Variants in DPYD observed in about 807,000 individuals in gnomAD.
DPYD encodes dihydropyrimidine dehydrogenase [NADP(+)].
A neutral mutation model predicts 116.2 loss-of-function variants in DPYD; 109 were observed. The observed-to-expected ratio is 0.94, with a 90% CI of 0.80 to 1.10. The LOEUF is 1.10. Ranked by LOEUF, DPYD falls within the 50% of genes least tolerant of loss-of-function variation. DPYD has a pLI of 0.00. For synonymous variants in DPYD, 440 were observed against 432.0 expected, an observed-to-expected ratio of 1.02 and a Z score of -0.23; for missense variants, 1,302 against 1,254.5, an observed-to-expected ratio of 1.04 and a Z score of -0.57.
At chr1:97,713,502 T>C (rs764693480) in intron 5 of DPYD, among the ~76,000 whole-genome samples, 7 of 152,108 alleles carry the variant, frequency 4.6e-5, no homozygotes, top group Non-Finnish European at 7.4e-5. Flanking sequence ...CACAGTTCTA[T>C]TATAAATCAT....
At chr1:97,537,689 A>G (rs976952710) in intron 12 of DPYD, among the ~76,000 whole-genome samples, 32 of 152,152 alleles carry the variant, frequency 2.1e-4, no homozygotes, top group Non-Finnish European at 4.4e-5. Context: ...GTATTTTTCA[A>G]GTGAAAGATT....
At chr1:97,329,258 T>A (rs891989354) in intron 16 of DPYD, among the ~76,000 whole-genome samples, 3 of 152,206 alleles carry the variant, frequency 2.0e-5, no homozygotes, top group African/African-American at 7.2e-5. Flanking sequence ...GTGATGTCAC[T>A]AACTTTGAAT....
In DPYD at chr1:97,104,180, T is replaced by C. The variant is rs138141622; in HGVS notation, c.2623-5548A>G. The stretch of plus-strand genomic sequence containing the variant: ...CAGGTAACTTTGATCCAGCACATAA[T>C]AGGTGCTGAATATAATTTTTCAAAG... On this transcript the variant is annotated intron_variant, in intron 20 of 22. Transcript: ENST00000370192. Among the ~76,000 whole-genome samples the C allele has an allele frequency of 2.2e-4, 34 of 152,216 alleles. No homozygotes were observed. The East Asian group carries it at 5.2e-3, about 23-fold the overall frequency.
At chr1:97,289,262 G>A (rs1333951038) in intron 18 of DPYD, among the ~76,000 whole-genome samples, 1 of 151,890 alleles carries the variant, frequency 6.6e-6, no homozygotes, top group African/African-American at 2.4e-5. Flanking sequence ...AGAGGTACAA[G>A]GAGGAACTGG....
intron 20 of DPYD, among the ~76,000 whole-genome samples, chr1:97,155,377 G>A (rs1253271415): frequency 6.6e-6 from 1 of 151,996 alleles, no homozygotes; most frequent in Non-Finnish European, 1.5e-5. Flanking sequence ...CCTGGATTCT[G>A]TATGAAACCA....
intron 16 of DPYD, among the ~76,000 whole-genome samples, chr1:97,360,982 C>T (rs1670692688): frequency 6.6e-6 from 1 of 151,840 alleles, no homozygotes; most frequent in African/African-American, 2.4e-5. Flanking sequence ...GATAGAGACA[C>T]AAAATATCCT....
At chr1:97,384,618 G>A (rs1242640032) in intron 14 of DPYD, among the ~76,000 whole-genome samples, 1 of 152,078 alleles carries the variant, frequency 6.6e-6, no homozygotes, top group Non-Finnish European at 1.5e-5. Context: ...GAAAACTGCT[G>A]GCGATTATAT....
At chr1:97,876,372 G>A (rs1480975403) in intron 2 of DPYD, among the ~76,000 whole-genome samples, 2 of 151,972 alleles carry the variant, frequency 1.3e-5, no homozygotes, top group African/African-American at 2.4e-5. Context: ...GTAACAGGGT[G>A]AAGTAAGTGA....
chr1:97,189,053 C>T (rs961891541), intron 20 of DPYD, among the ~76,000 whole-genome samples: 4 of 152,094 alleles, frequency 2.6e-5, no homozygotes, highest in African/African-American at 9.7e-5. Flanking sequence ...TACCAATAAG[C>T]TTTTTTCTTT....
chr1:97,469,431 CAAAT>C (rs1677518329), intron 13 of DPYD, among the ~76,000 whole-genome samples: 1 of 71,040 alleles, frequency 1.4e-5, no homozygotes, highest in African/African-American at 5.1e-5. Context: ...AAAAAAAAGA[CAAAT>C]AAATAAAATG....
intron 3 of DPYD, among the ~76,000 whole-genome samples, chr1:97,752,432 C>T (rs973743864): frequency 4.6e-5 from 7 of 151,960 alleles, no homozygotes; most frequent in African/African-American, 1.7e-4. Context: ...TTATTCAGCA[C>T]GAATTTTTTT....
chr1:97,745,258 T>G (rs1011097253), intron 3 of DPYD, among the ~76,000 whole-genome samples: 1 of 152,132 alleles, frequency 6.6e-6, no homozygotes, highest in African/African-American at 2.4e-5. Flanking sequence ...ATAACTGAAT[T>G]TTTAATGCTG....
chr1:97,822,561 T>C (rs775474996), intron 3 of DPYD, among the ~76,000 whole-genome samples: 81 of 151,976 alleles, frequency 5.3e-4, no homozygotes, highest in Admixed American at 3.9e-4. Flanking sequence ...TTTCTATGGC[T>C]TCTGCATAAT....
At chr1:97,810,102 T>C (rs370959063) in intron 3 of DPYD, among the ~76,000 whole-genome samples, 3,436 of 151,538 alleles carry the variant, frequency 0.023, 132 homozygotes, top group African/African-American at 0.078. Flanking sequence ...CTGGCTAACA[T>C]GGTGAAACCC....
At chr1:97,406,345 A>C (rs999498481) in intron 14 of DPYD, among the ~76,000 whole-genome samples, 19 of 149,400 alleles carry the variant, frequency 1.3e-4, no homozygotes, top group Non-Finnish European at 7.4e-5. Context: ...TTATTATAGA[A>C]TAAAACCTAT....
Position 97,227,331 on chromosome 1 carries a change from C to CAAAAAAAAA in DPYD, c.2442+7512_2442+7520dup, listed in dbSNP as rs60992225. The stretch of plus-strand genomic sequence containing the variant: ...CTGGCAACAGAGTGAGACTCTATCT[C>CAAAAAAAAA]AAAAAAAAAAAAAAAAAAAAAAAAA... On this transcript the variant is annotated intron_variant, in intron 19 of 22. Coordinates refer to ENST00000370192, the MANE Select transcript of DPYD (RefSeq NM_000110.4). Among the ~76,000 whole-genome samples the CAAAAAAAAA allele has an allele frequency of 1.8e-3, 48 of 26,326 alleles. 1 individual carries two copies. The highest frequency in any genetic ancestry group is 3.2e-3 in the South Asian group (2 of 628). The allele number at this position is 26,326 out of a possible 152,430, so 17.3% of individuals were successfully genotyped here. A position where few individuals can be genotyped will look rare whatever the true frequency, so the allele number is the denominator to read the frequency against.
chr1:97,457,369 A>T (rs977743525), intron 13 of DPYD, among the ~76,000 whole-genome samples: 4 of 152,114 alleles, frequency 2.6e-5, no homozygotes, highest in African/African-American at 9.7e-5. Context: ...TAATTTTCTG[A>T]ATTTTATTTA....
intron 2 of DPYD, among the ~76,000 whole-genome samples, chr1:97,858,980 T>A (rs550942730): frequency 6.6e-6 from 1 of 152,126 alleles, no homozygotes; most frequent in Non-Finnish European, 1.5e-5. Flanking sequence ...AACTACTACT[T>A]AATTTTACTC....
intron 3 of DPYD, among the ~76,000 whole-genome samples, chr1:97,788,815 G>A (rs1462391474): frequency 6.6e-6 from 1 of 152,100 alleles, no homozygotes; most frequent in Non-Finnish European, 1.5e-5. Flanking sequence ...TATTGTTGTT[G>A]TTGTTGTTGT....
Sources: allele counts gnomAD v4.1 joint callset (sites outside exome capture counted in the v4.1 genomes callset), GRCh38; gene constraint gnomAD v4.1.1; transcripts MANE v1.5; gene names NCBI Gene and HGNC (gene_info 2026-07-23, HGNC 2026-07-21).